Variants in MTA3 observed in about 807,000 individuals in gnomAD.
MTA3 encodes the protein metastasis-associated protein MTA3.
A neutral mutation model predicts 83.5 loss-of-function variants in MTA3; 34 were observed. The observed-to-expected ratio is 0.41, with a 90% CI of 0.31 to 0.54. The LOEUF (loss-of-function observed/expected upper bound fraction) is 0.54. MTA3 is among the 20% of genes least tolerant of loss of function. MTA3 has a pLI of 0.33. For missense variants in MTA3, 761 were observed against 726.4 expected, an observed-to-expected ratio of 1.05 and a Z score of -0.55; for synonymous variants, 303 against 252.7, an observed-to-expected ratio of 1.20 and a Z score of -1.89.
At chr2:42,527,023 C>A (rs1344342775) in intron 2 of MTA3, among the ~76,000 whole-genome samples, 1 of 131,870 alleles carries the variant, frequency 7.6e-6, no homozygotes, top group Non-Finnish European at 1.5e-5. Context: ...CACTGCACTC[C>A]AGCCTGATAA....
At chr2:42,688,424 G>A (rs1175952075) in intron 9 of MTA3, among the ~76,000 whole-genome samples, 1 of 152,172 alleles carries the variant, frequency 6.6e-6, no homozygotes, top group Non-Finnish European at 1.5e-5. Context: ...TAATAGGTTT[G>A]TAGTAGCATT....
chr2:42,668,033 T>A lies in MTA3; in HGVS notation c.702+8171T>A, dbSNP rs565022471. Among the ~76,000 whole-genome samples the A allele has an allele frequency of 3.3e-5, 5 of 152,206 alleles. No individual in the cohort carries two copies. The South Asian group carries it at 1.0e-3, about 31-fold the overall frequency. On this transcript the variant is annotated intron_variant, in intron 8 of 16. Transcript: ENST00000405094. The stretch of plus-strand genomic sequence containing the variant: ...TACTTAACCTACCTTTGTCTGAGTT[T>A]CCTCATCAGCAGTGGTAGTAATAAT...
At chr2:42,636,044 C>T (rs1035232722) in intron 4 of MTA3, among the ~76,000 whole-genome samples, 3 of 152,148 alleles carry the variant, frequency 2.0e-5, no homozygotes, top group African/African-American at 7.2e-5. Flanking sequence ...GCTAGGATTA[C>T]AGGCGTGAGC....
intron 3 of MTA3, among the ~76,000 whole-genome samples, chr2:42,601,816 A>AT (rs975047757): frequency 6.6e-6 from 1 of 152,038 alleles, no homozygotes; most frequent in African/African-American, 2.4e-5. Context: ...AGTAGCTAGG[A>AT]TTTCAGGTGT....
chr2:42,662,897 A>C (rs1259949097), intron 8 of MTA3, among the ~76,000 whole-genome samples: 3 of 151,764 alleles, frequency 2.0e-5, no homozygotes, highest in Non-Finnish European at 4.4e-5. Flanking sequence ...ACACCTAGCT[A>C]ATTTTTGTAT....
chr2:42,597,549 C>G (rs1681957863), intron 3 of MTA3, among the ~76,000 whole-genome samples: 1 of 150,446 alleles, frequency 6.6e-6, no homozygotes, highest in African/African-American at 2.5e-5. Context: ...CCACGCCCAG[C>G]TAATTTTTGT....
At chr2:42,654,762 A>G (rs1689011865) in intron 6 of MTA3, among the ~76,000 whole-genome samples, 1 of 152,156 alleles carries the variant, frequency 6.6e-6, no homozygotes, top group Non-Finnish European at 1.5e-5. Context: ...CTACAGGCAT[A>G]TGCCACAACA....
At chr2:42,534,924 G>A (rs1299148801) in intron 2 of MTA3, among the ~76,000 whole-genome samples, 1 of 151,852 alleles carries the variant, frequency 6.6e-6, no homozygotes, top group Non-Finnish European at 1.5e-5. Context: ...CACCTGGCCT[G>A]TTGCATGGAT....
chr2:42,683,211 C>T (rs1466175073), intron 9 of MTA3, among the ~76,000 whole-genome samples: 3 of 152,216 alleles, frequency 2.0e-5, no homozygotes, highest in Admixed American at 1.3e-4. Flanking sequence ...TCACCATTTG[C>T]GCTAAACAGT....
chr2:42,565,539 TA>T (rs1010046654), upstream of MTA3, among the ~76,000 whole-genome samples: 12 of 152,132 alleles, frequency 7.9e-5, no homozygotes, highest in Non-Finnish European at 1.6e-4. Context: ...TGTGGTTCTT[TA>T]ATTGCAACAA....
chr2:42,732,229 A>T (rs1197090405), intron 16 of MTA3, among the ~76,000 whole-genome samples: 3 of 152,188 alleles, frequency 2.0e-5, no homozygotes, highest in African/African-American at 7.2e-5. Flanking sequence ...CCCTGCAGCA[A>T]ACTTTTGCCT....
At chr2:42,535,964 T>TA (rs1455547322) in intron 2 of MTA3, among the ~76,000 whole-genome samples, 1 of 146,000 alleles carries the variant, frequency 6.8e-6, no homozygotes, top group African/African-American at 2.5e-5. Context: ...ACAAAAATAT[T>TA]AAAAAATTAC....
intron 6 of MTA3, among the ~76,000 whole-genome samples, chr2:42,655,304 C>T (rs187417041): frequency 1.3e-5 from 2 of 152,348 alleles, no homozygotes; most frequent in Non-Finnish European, 2.9e-5. Context: ...TATCTTCTCT[C>T]ATTCCATAAA....
intron 2 of MTA3, among the ~76,000 whole-genome samples, chr2:42,507,793 C>G (rs1397449683): frequency 2.6e-5 from 4 of 151,592 alleles, no homozygotes; most frequent in African/African-American, 9.7e-5. Context: ...TAGCCAAGCA[C>G]GGGGGCGCAC....
chr2:42,662,418 TTTAA>T (rs1329063630), intron 8 of MTA3, among the ~76,000 whole-genome samples: 7 of 151,632 alleles, frequency 4.6e-5, no homozygotes, highest in African/African-American at 1.2e-4. Flanking sequence ...CTATATAGAG[TTTAA>T]TTTTGTGAAT....
rs1670193004 is a variant in MTA3 at position 42,755,698 on chromosome 2, G to A, written c.*2299G>A. Reference sequence around the variant, plus strand: ...TTTGCCGTTGGAAGCATTTGGTGCTGAGAGGGTTTCCCAGCCACCCGCTCC... The same window carrying A: ...TTTGCCGTTGGAAGCATTTGGTGCTAAGAGGGTTTCCCAGCCACCCGCTCC... On this transcript the variant is annotated 3_prime_UTR_variant, in exon 17 of 17. Transcript: ENST00000405094. 1 of 985,590 alleles carries A rather than the reference G, an allele frequency of 1.0e-6. No homozygotes were observed. Among genetic ancestry groups the A allele is most frequent in the Non-Finnish European group, 1.2e-6 (1 of 830,038 alleles). 61.1% of individuals were successfully genotyped at this position (985,590 alleles called of 1,614,324 possible). A position where few individuals can be genotyped will look rare whatever the true frequency, so the allele number is the denominator to read the frequency against.
intron 9 of MTA3, among the ~76,000 whole-genome samples, chr2:42,689,711 G>A (rs1285659043): frequency 6.7e-6 from 1 of 149,792 alleles, no homozygotes; most frequent in Non-Finnish European, 1.5e-5. Context: ...ATCCTTTTAT[G>A]GTCTGTAGCA....
chr2:42,593,261 C>T (rs568327952), intron 3 of MTA3, among the ~76,000 whole-genome samples: 45 of 151,232 alleles, frequency 3.0e-4, no homozygotes, highest in Non-Finnish European at 5.2e-4. Flanking sequence ...CCGAGGTGGG[C>T]GGATCACTTG....
chr2:42,566,467 A>G (rs1443357166), upstream of MTA3, among the ~76,000 whole-genome samples: 1 of 152,106 alleles, frequency 6.6e-6, no homozygotes, highest in Admixed American at 6.6e-5. Context: ...TGGACATGGA[A>G]GAGACTAATA....
Sources: gnomAD v4.1 joint callset for allele counts (sites outside exome capture counted in the v4.1 genomes callset) on GRCh38, gnomAD v4.1.1 for gene constraint, MANE v1.5 for transcripts, NCBI Gene and HGNC (gene_info 2026-07-23, HGNC 2026-07-21) for gene names.